Variants in ZDHHC17 observed in about 807,000 individuals in gnomAD.
The protein encoded by ZDHHC17 is zDHHC palmitoyltransferase 17.
ZDHHC17 carries 40 observed loss-of-function variants against 90.3 expected under a neutral mutation model. The observed-to-expected ratio is 0.44, with a 90% CI of 0.34 to 0.58. ZDHHC17 has a LOEUF of 0.58. Among genes scored for constraint, ZDHHC17 ranks in the 20% least tolerant of loss-of-function variants. ZDHHC17 has a pLI of 0.01. For missense variants in ZDHHC17, 614 were observed against 780.8 expected, an observed-to-expected ratio of 0.79 and a Z score of 2.55; for synonymous variants, 235 against 252.4, an observed-to-expected ratio of 0.93 and a Z score of 0.65.
intron 16 of ZDHHC17, 196 bp downstream of exon 16, chr12:76,849,666 C>A: frequency 2.6e-6 from 1 of 389,892 alleles, no homozygotes; most frequent in Non-Finnish European, 4.5e-6. Context: ...TGTGATATCT[C>A]CTTATATTTT....
intron 5 of ZDHHC17, among the ~76,000 whole-genome samples, chr12:76,812,913 A>G (rs1005664724): frequency 6.6e-5 from 10 of 152,116 alleles, no homozygotes; most frequent in Admixed American, 3.9e-4. Context: ...TGGAATTCCC[A>G]TAAGCTTTTG....
In ZDHHC17 at chr12:76,830,095, T is replaced by A. The variant is rs1953281810; in HGVS notation, c.1141+1605T>A. ...TTTTTGATATTTTACATAGAAAAAGTTCAGTCAGCAAGTTAGACTGATTTA... is the reference window on the plus strand; with the variant it reads ...TTTTTGATATTTTACATAGAAAAAGATCAGTCAGCAAGTTAGACTGATTTA... On this transcript the variant is annotated intron_variant, in intron 10 of 16. Coordinates refer to ENST00000426126, the MANE Select transcript of ZDHHC17 (RefSeq NM_015336.4). Among the ~76,000 whole-genome samples the A allele has an allele frequency of 2.0e-5, 3 of 152,208 alleles. No individual in the cohort carries two copies. The South Asian group carries it at 6.2e-4, about 31-fold the overall frequency.
intron 10 of ZDHHC17, among the ~76,000 whole-genome samples, chr12:76,831,256 C>G (rs550228641): frequency 6.6e-6 from 1 of 152,242 alleles, no homozygotes; most frequent in Non-Finnish European, 1.5e-5. Context: ...CTGATGACTT[C>G]TAAAATCTAA....
chr12:76,851,081 G>C lies in ZDHHC17; in HGVS notation c.*96G>C. On this transcript the variant is annotated 3_prime_UTR_variant, in exon 17 of 17. Transcript: ENST00000426126. The stretch of plus-strand genomic sequence containing the variant: ...ACTCGAATCCACATCCTTTGAACAA[G>C]AGCATGCTATGTGTAGGGCTAATGG... 1 of 1,502,740 alleles carries C rather than the reference G, an allele frequency of 6.7e-7. No individual in the cohort carries two copies. Among genetic ancestry groups the C allele is most frequent in the Non-Finnish European group, 9.1e-7 (1 of 1,102,896 alleles). The allele number at this position is 1,502,740 out of a possible 1,614,324, so 93.1% of individuals were successfully genotyped here.
At chr12:76,819,237 T>C (rs1003216268) in intron 7 of ZDHHC17, among the ~76,000 whole-genome samples, 1 of 152,170 alleles carries the variant, frequency 6.6e-6, no homozygotes, top group African/African-American at 2.4e-5. Context: ...TAATTTGAAG[T>C]GGTGTCTTAG....
In ZDHHC17 at chr12:76,805,407, G is replaced by A; in HGVS notation, c.288G>A (p.Trp96Ter). Residue 96 changes from tryptophan to a stop codon, truncating the protein, a stop_gained, in exon 3 of 17, where the codon TGG becomes TGA. Coordinates refer to ENST00000426126, the MANE Select transcript of ZDHHC17 (RefSeq NM_015336.4). LOFTEE classifies it high-confidence loss of function. ...PDKENVTLLH[W>*]AAINNRIDLV... is the part of the protein sequence containing the mutation. The stretch of plus-strand genomic sequence containing the variant: ...AAGAAAATGTTACCCTCCTCCATTG[G>A]GCTGCCATCAATAACAGAATAGATT... The A allele has an allele frequency of 1.3e-6, 2 of 1,595,892 alleles. No individual in the cohort carries two copies. The highest frequency in any genetic ancestry group is 1.7e-6 in the Non-Finnish European group (2 of 1,169,496).
At chr12:76,848,853 A>G (rs1217086543) in intron 15 of ZDHHC17, among the ~76,000 whole-genome samples, 1 of 152,150 alleles carries the variant, frequency 6.6e-6, no homozygotes, top group African/African-American at 2.4e-5. Context: ...TTAACTGGCT[A>G]CTTTTCACAG....
chr12:76,766,014 T>C (rs138141705), intron 1 of ZDHHC17, among the ~76,000 whole-genome samples: 3 of 152,340 alleles, frequency 2.0e-5, no homozygotes, highest in Non-Finnish European at 4.4e-5. Flanking sequence ...TCTTACGTAT[T>C]TTAGCATACT....
At chr12:76,849,999 C>A (rs1364410667) in intron 16 of ZDHHC17, among the ~76,000 whole-genome samples, 1 of 152,044 alleles carries the variant, frequency 6.6e-6, no homozygotes, top group Admixed American at 6.5e-5. Flanking sequence ...CGGCTCACTG[C>A]TACCTCCACC....
Position 76,851,965 on chromosome 12 carries a change from A to G in ZDHHC17, c.*980A>G, listed in dbSNP as rs984920435. ...GGCATTTAACTAAAGATGGAGCATG[A>G]TCTAAGTACATAGCACATGTGAATA... On this transcript the variant is annotated 3_prime_UTR_variant, in exon 17 of 17. Transcript: ENST00000426126. The G allele has an allele frequency of 1.3e-5, 2 of 152,640 alleles. No individual in the cohort carries two copies. Among genetic ancestry groups the G allele is most frequent in the African/African-American group, 4.8e-5 (2 of 41,464 alleles). 9.5% of individuals were successfully genotyped at this position (152,640 alleles called of 1,614,324 possible).
intron 1 of ZDHHC17, chr12:76,764,748 A>G (rs1952411843): frequency 1.3e-5 from 6 of 463,624 alleles, no homozygotes; most frequent in South Asian, 9.3e-5. Context: ...GAATGACGGT[A>G]TCTATTGCTT....
chr12:76,819,096 A>G (rs1467276913), intron 7 of ZDHHC17, among the ~76,000 whole-genome samples: 1 of 152,138 alleles, frequency 6.6e-6, no homozygotes, highest in Non-Finnish European at 1.5e-5. Flanking sequence ...GATAAAAGAA[A>G]CCATCGTTGA....
intron 1 of ZDHHC17, among the ~76,000 whole-genome samples, chr12:76,787,037 C>T (rs1465184488): frequency 5.9e-5 from 9 of 152,150 alleles, no homozygotes. Context: ...TACATGTGCA[C>T]TTGATGCAAA....
In ZDHHC17 at chr12:76,764,299, A is replaced by G. The variant is rs756110340; in HGVS notation, c.63A>G (p.Glu21=). 7 of 1,605,856 alleles carry G rather than the reference A, an allele frequency of 4.4e-6. No homozygotes were observed. The highest frequency in any genetic ancestry group is 1.3e-5 in the African/African-American group (1 of 74,832). ...ACGGCCCGGATGAGTACGATACCGA[A>G]GCGGGCTGTGTGCCCCTTCTCCACC... is the stretch of plus-strand genomic sequence containing the variant. ...MADGPDEYDT[E]AGCVPLLHPE... The change falls in exon 1 of 17, where the codon GAA becomes GAG. Residue 21 remains glutamate (E), a synonymous_variant. Coordinates refer to ENST00000426126, the MANE Select transcript of ZDHHC17 (RefSeq NM_015336.4).
At chr12:76,770,884 A>C (rs1952483334) in intron 1 of ZDHHC17, among the ~76,000 whole-genome samples, 1 of 150,738 alleles carries the variant, frequency 6.6e-6, no homozygotes, top group African/African-American at 2.4e-5. Context: ...TTGTGAGCTA[A>C]GATCGTGCCA....
rs529025543 is a variant in ZDHHC17 at position 76,811,118 on chromosome 12, G to GT, written c.543+1267dup. Among the ~76,000 whole-genome samples the GT allele has an allele frequency of 5.8e-3, 888 of 152,138 alleles. 10 individuals carry two copies. Among genetic ancestry groups the GT allele is most frequent in the African/African-American group, 0.021 (861 of 41,488 alleles). On this transcript the variant is annotated intron_variant, in intron 5 of 16. Coordinates refer to ENST00000426126, the MANE Select transcript of ZDHHC17 (RefSeq NM_015336.4). The stretch of plus-strand genomic sequence containing the variant: ...TTAGGTCTTGAACTGACACAGCAAC[G>GT]TTTTTTCTCCATTCTATCAGTTAAA...
chr12:76,793,782 A>G (rs1952788025), intron 1 of ZDHHC17, among the ~76,000 whole-genome samples: 1 of 152,250 alleles, frequency 6.6e-6, no homozygotes, highest in African/African-American at 2.4e-5. Context: ...CTTAAAAGTT[A>G]CAATGACACA....
chr12:76,812,316 GT>G (rs1023440176), intron 5 of ZDHHC17, among the ~76,000 whole-genome samples: 3 of 151,092 alleles, frequency 2.0e-5, no homozygotes, highest in African/African-American at 7.3e-5. Context: ...AACTGCACTA[GT>G]TTTTTTTTGC....
Position 76,805,395 on chromosome 12 carries a change from C to T in ZDHHC17, c.276C>T (p.Thr92=). The change falls in exon 3 of 17, where the codon ACC becomes ACT. Residue 92 remains threonine, a synonymous_variant. Coordinates refer to ENST00000426126, the MANE Select transcript of ZDHHC17 (RefSeq NM_015336.4). Reference sequence around the variant, plus strand: ...GGCAACCGGACAAAGAAAATGTTACCCTCCTCCATTGGGCTGCCATCAATA... The same window carrying T: ...GGCAACCGGACAAAGAAAATGTTACTCTCCTCCATTGGGCTGCCATCAATA... The part of the protein sequence containing the change: ...DVRQPDKENV[T]LLHWAAINNR... The T allele has an allele frequency of 6.3e-7, 1 of 1,599,822 alleles. No individual in the cohort carries two copies. Among genetic ancestry groups the T allele is most frequent in the Non-Finnish European group, 8.5e-7 (1 of 1,171,798 alleles).
Sources: allele counts gnomAD v4.1 joint callset (sites outside exome capture counted in the v4.1 genomes callset), GRCh38; gene constraint gnomAD v4.1.1; transcripts MANE v1.5; gene names NCBI Gene and HGNC (gene_info 2026-07-23, HGNC 2026-07-21).